Variants in LMOD2 observed in about 807,000 individuals in gnomAD.
The protein encoded by LMOD2 is leiomodin-2.
LMOD2 carries 27 observed loss-of-function variants against 41.7 expected under a neutral mutation model. That is an observed-to-expected ratio of 0.65 (90% confidence interval 0.48 to 0.89). LMOD2 has a LOEUF of 0.89. Ranked by LOEUF, LMOD2 falls within the 40% of genes least tolerant of loss-of-function variation. The probability of loss-of-function intolerance (pLI) is 0.00; values close to 1 mark genes in which losing one functional copy is unlikely to be tolerated. For missense variants in LMOD2, 624 were observed against 667.9 expected (o/e 0.93, Z 0.72); for synonymous variants, 251 against 244.6 (o/e 1.03, Z -0.25).
At chr7:123,657,021 C>T (rs1047517139) in intron 1 of LMOD2, among the ~76,000 whole-genome samples, 24 of 152,164 alleles carry the variant, frequency 1.6e-4, no homozygotes, top group African/African-American at 5.3e-4. Context: ...TCAGGGGCAG[C>T]ACAGCTGTAT....
At chr7:123,659,808 C>A (rs1802844578) in intron 1 of LMOD2, among the ~76,000 whole-genome samples, 1 of 152,070 alleles carries the variant, frequency 6.6e-6, no homozygotes, top group Non-Finnish European at 1.5e-5. Flanking sequence ...GAGAGGATGT[C>A]AAAGAAGGCT....
chr7:123,663,572 A>T, intron 2 of LMOD2, 147 bp from the exon 3 acceptor site: 1 of 705,326 alleles, frequency 1.4e-6, no homozygotes, highest in Non-Finnish European at 2.4e-6. Context: ...TTTATAACAT[A>T]AAATTTATAA....
chr7:123,659,664 A>G (rs1802842959), intron 1 of LMOD2, among the ~76,000 whole-genome samples: 1 of 152,178 alleles, frequency 6.6e-6, no homozygotes. Flanking sequence ...GTGCTAGGTG[A>G]GCAAAGCAGA....
intron 1 of LMOD2, among the ~76,000 whole-genome samples, chr7:123,657,777 C>A (rs901145849): frequency 2.1e-5 from 3 of 144,166 alleles, no homozygotes; most frequent in Admixed American, 7.0e-5. Flanking sequence ...GAGTTCAAAT[C>A]CAGCTCTGGC....
chr7:123,662,379 A>G lies in LMOD2; in HGVS notation c.793A>G (p.Lys265Glu). 5 of 1,614,018 alleles carry G rather than the reference A, an allele frequency of 3.1e-6. No homozygotes were observed. The highest frequency in any genetic ancestry group is 1.7e-4 in the Middle Eastern group (1 of 6,060). The change falls in exon 2 of 3, where the codon AAA (lysine) becomes GAA (glutamate). Residue 265 changes from lysine to glutamate, a missense_variant. Lys to Glu is a moderately conservative substitution (Grantham distance 56). Coordinates refer to ENST00000458573, the MANE Select transcript of LMOD2 (RefSeq NM_207163.3). This position sits in a 1 kb window ranked among gnomAD's most constrained non-coding sequence, Gnocchi z 4.0. Reference sequence around the variant, plus strand: ...AGCCATGGCCATTGCAGAGATGCTCAAAGTCAATGAGCACATCACCAACGT... The same window carrying G: ...AGCCATGGCCATTGCAGAGATGCTCGAAGTCAATGAGCACATCACCAACGT... The part of the protein sequence containing the change: ...SAAMAIAEML[K>E]VNEHITNVNV...
intron 1 of LMOD2, among the ~76,000 whole-genome samples, chr7:123,659,380 G>A (rs540473234): frequency 6.6e-6 from 1 of 152,132 alleles, no homozygotes; most frequent in East Asian, 1.9e-4. Flanking sequence ...TCTGTTTTTT[G>A]CATCCTCTCA....
chr7:123,657,147 T>C (rs1250091578), intron 1 of LMOD2, among the ~76,000 whole-genome samples: 1 of 152,124 alleles, frequency 6.6e-6, no homozygotes, highest in Non-Finnish European at 1.5e-5. Flanking sequence ...AAACAGTTAT[T>C]TTGAATTTGC....
chr7:123,657,991 T>TAAAAAAAAAA (rs10693592), intron 1 of LMOD2, among the ~76,000 whole-genome samples: 2 of 90,574 alleles, frequency 2.2e-5, no homozygotes, highest in Non-Finnish European at 4.1e-5. Context: ...CTTGTCTCAT[T>TAAAAAAAAAA]AAAAAAAAAA....
chr7:123,659,332 GC>G (rs1347017630), intron 1 of LMOD2, among the ~76,000 whole-genome samples: 2 of 152,122 alleles, frequency 1.3e-5, no homozygotes, highest in Non-Finnish European at 2.9e-5. Flanking sequence ...AATAAAACAG[GC>G]CCCCTAGGGA....
intron 1 of LMOD2, among the ~76,000 whole-genome samples, chr7:123,658,236 T>A (rs1451158283): frequency 6.6e-6 from 1 of 152,170 alleles, no homozygotes. Context: ...TCGGTTCCTT[T>A]CTAGGCTATT....
chr7:123,660,516 C>G (rs1037626826), intron 1 of LMOD2, among the ~76,000 whole-genome samples: 4 of 151,904 alleles, frequency 2.6e-5, no homozygotes, highest in Non-Finnish European at 2.9e-5. Context: ...ACTGGGCAAA[C>G]GAACCTGGAG....
chr7:123,658,244 A>G (rs1179139359), intron 1 of LMOD2, among the ~76,000 whole-genome samples: 1 of 152,072 alleles, frequency 6.6e-6, no homozygotes, highest in African/African-American at 2.4e-5. Context: ...TTTCTAGGCT[A>G]TTAACTTTTT....
chr7:123,663,405 C>T (rs1391237712), intron 2 of LMOD2: 12 of 689,158 alleles, frequency 1.7e-5, no homozygotes, highest in Admixed American at 9.4e-5. Flanking sequence ...ACGCCTGGGC[C>T]GCTTTCCCAG....
In LMOD2 at chr7:123,662,566, C is replaced by G. The variant is rs535251089; in HGVS notation, c.980C>G (p.Thr327Arg). ...GTCAAGCTGCTGAAGGAGAACACGACGCTGCTGAGGCTGGGATACCATTTT... is the reference window on the plus strand; with the variant it reads ...GTCAAGCTGCTGAAGGAGAACACGAGGCTGCTGAGGCTGGGATACCATTTT... ...EIVKLLKENT[T>R]LLRLGYHFEL... Residue 327 changes from threonine to arginine, a missense_variant, in exon 2 of 3, where the codon ACG (threonine) becomes AGG (arginine). Thr to Arg is a moderately conservative substitution (Grantham distance 71). Coordinates refer to ENST00000458573, the MANE Select transcript of LMOD2 (RefSeq NM_207163.3). The surrounding 1 kb of genome is among the most constrained non-coding windows in gnomAD (Gnocchi z 4.0). 1 of 1,613,926 alleles carries G rather than the reference C, an allele frequency of 6.2e-7. No homozygotes were observed. The highest frequency in any genetic ancestry group is 8.5e-7 in the Non-Finnish European group (1 of 1,179,888).
rs1373011802 is a variant in LMOD2 at position 123,661,949 on chromosome 7, G to A, written c.363G>A (p.Glu121=). 20 of 1,556,132 alleles carry A rather than the reference G, an allele frequency of 1.3e-5. No homozygotes were observed. Among genetic ancestry groups the A allele is most frequent in the Non-Finnish European group, 1.4e-5 (16 of 1,149,132 alleles). ...CTGAGGAAGTGTATACAGAGGAGGA[G>A]GAGGAGGAGTCCCAGGAGGAAGAGG... ...EVSEEVYTEE[E]EEESQEEEEE... Residue 121 remains glutamate (E), a synonymous_variant, in exon 2 of 3, where the codon GAG becomes GAA. Transcript: ENST00000458573.
At chr7:123,661,054 A>C (rs1021868368) in intron 1 of LMOD2, among the ~76,000 whole-genome samples, 3 of 152,102 alleles carry the variant, frequency 2.0e-5, no homozygotes, top group African/African-American at 7.2e-5. Context: ...GGAGGTTTCA[A>C]GTTGATTTTC....
At chr7:123,658,888 C>T (rs1802832115) in intron 1 of LMOD2, among the ~76,000 whole-genome samples, 1 of 152,126 alleles carries the variant, frequency 6.6e-6, no homozygotes, top group South Asian at 2.1e-4. Context: ...ACAATTGGTG[C>T]TCTCACAGGT....
chr7:123,659,932 T>TA (rs1245386851), intron 1 of LMOD2, among the ~76,000 whole-genome samples: 1 of 152,104 alleles, frequency 6.6e-6, no homozygotes, highest in Non-Finnish European at 1.5e-5. Flanking sequence ...AGAGGGTCTT[T>TA]AAAAAACCAA....
chr7:123,662,852 TC>T lies in LMOD2; in HGVS notation c.1268del (p.Pro423LeufsTer71). 6.3e-7 allele frequency: 1 copy of T among 1,596,064 alleles called. No homozygotes were observed. The highest frequency in any genetic ancestry group is 8.5e-7 in the Non-Finnish European group (1 of 1,171,740). ...CTCTGTCTCCTGTGGCCACACCTCC[TC>T]CTCCTCCCCCTCCTCCTCCTCCTCC... ...RPLSPVATPP[P>X]PPPPPPPPPP... On this transcript the variant is annotated frameshift_variant, in exon 2 of 3. Transcript: ENST00000458573. LOFTEE classifies it high-confidence loss of function. This position sits in a 1 kb window ranked among gnomAD's most constrained non-coding sequence, Gnocchi z 4.0.
Sources: allele counts gnomAD v4.1 joint callset (sites outside exome capture counted in the v4.1 genomes callset), GRCh38; gene constraint gnomAD v4.1.1; non-coding constraint Gnocchi (gnomAD v3.1); transcripts MANE v1.5; gene names NCBI Gene and HGNC (gene_info 2026-07-23, HGNC 2026-07-21).